ELAPOR1: variants seen among roughly 807,000 people sequenced by gnomAD.
ELAPOR1 encodes the protein endosome/lysosome-associated apoptosis and autophagy regulator 1.
ELAPOR1 carries 77 observed loss-of-function variants against 119.7 expected under a neutral mutation model. The observed-to-expected ratio is 0.64, with a 90% CI of 0.54 to 0.78. The LOEUF (loss-of-function observed/expected upper bound fraction) is 0.78. Among genes scored for constraint, ELAPOR1 ranks in the 30% least tolerant of loss-of-function variants. The pLI, the probability that ELAPOR1 is intolerant of heterozygous loss-of-function variation, is 0.00. For missense variants in ELAPOR1, 1,115 were observed against 1,270.4 expected, an observed-to-expected ratio of 0.88 and a Z score of 1.86; for synonymous variants, 481 against 487.2, an observed-to-expected ratio of 0.99 and a Z score of 0.17.
At chr1:109,174,287 C>T (rs927023345) in intron 7 of ELAPOR1, among the ~76,000 whole-genome samples, 6 of 150,796 alleles carry the variant, frequency 4.0e-5, no homozygotes, top group African/African-American at 4.9e-5. Context: ...AAGCTGTGAG[C>T]CTATAATCTC....
At chr1:109,154,046 C>T (rs1035764205) in intron 1 of ELAPOR1, among the ~76,000 whole-genome samples, 1 of 151,698 alleles carries the variant, frequency 6.6e-6, no homozygotes, top group Admixed American at 6.6e-5. Flanking sequence ...GTTTGGGAGG[C>T]CGAGGCGGGC....
chr1:109,143,385 T>C (rs1649955245), intron 1 of ELAPOR1, among the ~76,000 whole-genome samples: 1 of 152,210 alleles, frequency 6.6e-6, no homozygotes, highest in African/African-American at 2.4e-5. Flanking sequence ...ATTGTGTTTG[T>C]ATGAAGTGTC....
At chr1:109,170,264 G>A (rs1651843218) in intron 3 of ELAPOR1, among the ~76,000 whole-genome samples, 1 of 152,184 alleles carries the variant, frequency 6.6e-6, no homozygotes, top group Non-Finnish European at 1.5e-5. Flanking sequence ...AAGGGATGAG[G>A]TTAGTGGAGG....
Position 109,164,677 on chromosome 1 carries a change from C to T in ELAPOR1, c.453C>T (p.Thr151=), listed in dbSNP as rs182935347. 1.5e-4 allele frequency: 250 copies of T among 1,613,858 alleles called. No individual in the cohort carries two copies. The East Asian group carries it at 4.6e-3, about 29-fold the overall frequency. The change falls in exon 3 of 22, where the codon ACC becomes ACT. Residue 151 remains threonine (T), a synonymous_variant. Coordinates refer to ENST00000369939, the MANE Select transcript of ELAPOR1 (RefSeq NM_020775.5). Reference sequence around the variant, plus strand: ...TGGATGACAGTGCTGCTGAGTCCACCGGGAACTGTACTTCGTGAGTCTGCA... The same window carrying T: ...TGGATGACAGTGCTGCTGAGTCCACTGGGAACTGTACTTCGTGAGTCTGCA... ...MELDDSAAES[T]GNCTSSKWVP... is the part of the protein sequence containing the mutation.
chr1:109,186,774 C>G, intron 8 of ELAPOR1: 1 of 985,672 alleles, frequency 1.0e-6, no homozygotes, highest in Non-Finnish European at 1.2e-6. Flanking sequence ...TCTTTCCTCC[C>G]TTCTGCCCCA....
chr1:109,164,403 C>A, intron 2 of ELAPOR1, 96 bp from the exon 3 acceptor site: 1 of 1,044,602 alleles, frequency 9.6e-7, no homozygotes. Flanking sequence ...TCCTAGACCC[C>A]AACCCAGCGC....
Position 109,171,911 on chromosome 1 carries a change from C to T in ELAPOR1, c.513C>T (p.Asp171=), listed in dbSNP as rs777332241. Residue 171 remains aspartate (D), a synonymous_variant, in exon 4 of 22, where the codon GAC becomes GAT. Coordinates refer to ENST00000369939, the MANE Select transcript of ELAPOR1 (RefSeq NM_020775.5). ...PRGDYIASNT[D]ECTATLMYAV... is the part of the protein sequence containing the mutation. Reference sequence around the variant, plus strand: ...GCGACTACATCGCCTCCAACACGGACGAATGCACAGCCACACTGATGTACG... The same window carrying T: ...GCGACTACATCGCCTCCAACACGGATGAATGCACAGCCACACTGATGTACG... 2.7e-5 allele frequency: 44 copies of T among 1,614,078 alleles called. No individual in the cohort carries two copies. The highest frequency in any genetic ancestry group is 3.3e-5 in the South Asian group (3 of 91,092).
At chr1:109,179,854 C>T (rs917322277) in intron 7 of ELAPOR1, among the ~76,000 whole-genome samples, 9 of 151,670 alleles carry the variant, frequency 5.9e-5, no homozygotes, top group Admixed American at 1.3e-4. Flanking sequence ...TGCAGTGAGC[C>T]GAGATCACAC....
In ELAPOR1 at chr1:109,118,900, C is replaced by CTTTTTTTTTTTTTTT. The variant is rs777752743; in HGVS notation, c.153+4565_153+4579dup. Among the ~76,000 whole-genome samples the CTTTTTTTTTTTTTTT allele has an allele frequency of 8.5e-4, 109 of 128,196 alleles. 3 individuals are homozygous for CTTTTTTTTTTTTTTT. The highest frequency in any genetic ancestry group is 1.3e-3 in the Non-Finnish European group (83 of 62,706). 84.1% of individuals were successfully genotyped at this position (128,196 alleles called of 152,430 possible). On this transcript the variant is annotated intron_variant, in intron 1 of 21. Transcript: ENST00000369939. ...CTGTTTCCTCCTGTATTTGGTTCTT[C>CTTTTTTTTTTTTTTT]TTTTTTTTTTTTTTTGAGACGGAGT...
At chr1:109,194,699 G>T in intron 15 of ELAPOR1, 105 bp downstream of exon 15, 2 of 977,154 alleles carry the variant, frequency 2.0e-6, no homozygotes, top group Admixed American at 2.3e-5. Flanking sequence ...AGGTAGCAGG[G>T]GGTTGAGGAG....
intron 7 of ELAPOR1, among the ~76,000 whole-genome samples, chr1:109,183,015 TTGTAA>T: frequency 6.6e-6 from 1 of 152,272 alleles, no homozygotes; most frequent in South Asian, 2.1e-4. Context: ...AGTAACAGTA[TTGTAA>T]TGTGCACCTC....
chr1:109,129,036 G>A (rs1263863810), intron 1 of ELAPOR1, among the ~76,000 whole-genome samples: 1 of 152,188 alleles, frequency 6.6e-6, no homozygotes, highest in Non-Finnish European at 1.5e-5. Flanking sequence ...TTTACAGTTT[G>A]AAGATGTCAG....
chr1:109,127,083 C>T (rs992930063), intron 1 of ELAPOR1, among the ~76,000 whole-genome samples: 1 of 151,880 alleles, frequency 6.6e-6, no homozygotes, highest in African/African-American at 2.4e-5. Context: ...TTCTTAAGCT[C>T]TCCTTCTATG....
intron 14 of ELAPOR1, 45 bp downstream of exon 14, chr1:109,192,919 G>A (rs776645613): frequency 1.1e-5 from 18 of 1,592,504 alleles, no homozygotes; most frequent in Non-Finnish European, 1.5e-5. Context: ...CCTCTGCTTG[G>A]ATGACCTCAG....
chr1:109,176,548 C>T (rs1298878294), intron 7 of ELAPOR1, among the ~76,000 whole-genome samples: 3 of 151,474 alleles, frequency 2.0e-5, no homozygotes, highest in Admixed American at 6.6e-5. Context: ...ATTCCTAAAA[C>T]AAAAGTCATA....
intron 1 of ELAPOR1, among the ~76,000 whole-genome samples, chr1:109,120,143 A>T (rs1405652068): frequency 6.6e-6 from 1 of 152,188 alleles, no homozygotes; most frequent in East Asian, 1.9e-4. Context: ...CATGCCTGTA[A>T]TCCCAGCATT....
chr1:109,168,939 C>T (rs953393397), intron 3 of ELAPOR1, among the ~76,000 whole-genome samples: 2 of 152,034 alleles, frequency 1.3e-5, no homozygotes. Flanking sequence ...GCAATTCTGA[C>T]AAAAATCAGA....
At chr1:109,187,953 A>G (rs1228914491) in intron 8 of ELAPOR1, 2 of 1,293,726 alleles carry the variant, frequency 1.5e-6, no homozygotes, top group Non-Finnish European at 2.0e-6. Flanking sequence ...CTTGTCACCC[A>G]GGCAACATTC....
intron 1 of ELAPOR1, among the ~76,000 whole-genome samples, chr1:109,160,356 C>T (rs1651173109): frequency 6.6e-6 from 1 of 151,316 alleles, no homozygotes; most frequent in African/African-American, 2.4e-5. Flanking sequence ...TGCAACAAGT[C>T]TGAAATGCCA....
Sources: gnomAD v4.1 joint callset for allele counts (sites outside exome capture counted in the v4.1 genomes callset) on GRCh38, gnomAD v4.1.1 for gene constraint, MANE v1.5 for transcripts, NCBI Gene and HGNC (gene_info 2026-07-23, HGNC 2026-07-21) for gene names.